The following SIGLEC15 variants were observed in gnomAD, a reference collection of about 807,000 sequenced individuals.
The protein encoded by SIGLEC15 is sialic acid-binding Ig-like lectin 15.
Under a neutral mutation model 26.2 loss-of-function variants are expected in SIGLEC15, and 31 were observed. The ratio of observed to expected loss-of-function variants is 1.18; its 90% CI spans 0.89 to 1.60. The LOEUF is 1.60. Among genes scored for constraint, SIGLEC15 ranks in the 40% most tolerant of loss-of-function variants. The pLI is 0.00. For missense variants in SIGLEC15, 501 were observed against 488.4 expected (o/e 1.03, Z -0.24); for synonymous variants, 207 against 221.9 (o/e 0.93, Z 0.60).
chr18:45,828,512 C>T (rs1259855203), intron 1 of SIGLEC15, among the ~76,000 whole-genome samples: 1 of 152,202 alleles, frequency 6.6e-6, no homozygotes, highest in African/African-American at 2.4e-5. Flanking sequence ...GACAAGGCCT[C>T]AGGTGGTCCT....
rs2048287142 is a variant in SIGLEC15, at chr18:45,837,688, T to C, written c.288T>C (p.Ala96=). ...PYAGPQVFRC[A]AARGSELCQT... ...CGGGCCCGCAGGTGTTCCGCTGCGC[T>C]GCGGCGCGGGGCAGCGAGCTCTGCC... Residue 96 remains alanine, a synonymous_variant, in exon 3 of 6, where the codon GCT becomes GCC. Coordinates refer to ENST00000389474, the MANE Select transcript of SIGLEC15 (RefSeq NM_213602.3). 1.4e-6 allele frequency: 2 copies of C among 1,478,118 alleles called. No individual in the cohort carries two copies. The highest frequency in any genetic ancestry group is 1.3e-5 in the South Asian group (1 of 76,572). The allele number at this position is 1,478,118 out of a possible 1,614,324, so 91.6% of individuals were successfully genotyped here. A position where few individuals can be genotyped will look rare whatever the true frequency, so the allele number is the denominator to read the frequency against.
intron 3 of SIGLEC15, 36 bp from the exon 4 acceptor site, chr18:45,838,682 T>C (rs1480091208): frequency 1.3e-6 from 2 of 1,517,138 alleles, no homozygotes; most frequent in East Asian, 2.4e-5. Context: ...AGGGGAGGGG[T>C]GCCCTTGTGA....
At chr18:45,838,021 C>G (rs558555969) in intron 3 of SIGLEC15, 125 bp downstream of exon 3, 15,537 of 1,235,770 alleles carry the variant, frequency 0.013, 121 homozygotes, top group Middle Eastern at 0.016. Context: ...CAGCCCTCTC[C>G]TCTACCCCAG....
intron 1 of SIGLEC15, among the ~76,000 whole-genome samples, chr18:45,826,914 G>T (rs1387085691): frequency 5.3e-5 from 8 of 152,080 alleles, no homozygotes; most frequent in African/African-American, 1.9e-4. Flanking sequence ...AACTCTGTTT[G>T]TTTGTTTGTT....
chr18:45,827,768 C>T (rs1036345478), intron 1 of SIGLEC15, among the ~76,000 whole-genome samples: 2 of 152,156 alleles, frequency 1.3e-5, no homozygotes, highest in African/African-American at 2.4e-5. Context: ...TCAAGAGAGC[C>T]GAGGCTTTGG....
At chr18:45,832,192 A>T (rs2048241389) in intron 1 of SIGLEC15, among the ~76,000 whole-genome samples, 1 of 152,220 alleles carries the variant, frequency 6.6e-6, no homozygotes, top group Admixed American at 6.5e-5. Context: ...GTTTCATTCA[A>T]TCCTCAATCC....
rs576077563 is a variant in SIGLEC15, at chr18:45,834,226, T to C, written c.53-2803T>C. Reference sequence around the variant, plus strand: ...TACTCTAACCACCCCTACCCTCTCCTGTCAGCCTGGACACCCACCCTTCTG... The same window carrying C: ...TACTCTAACCACCCCTACCCTCTCCCGTCAGCCTGGACACCCACCCTTCTG... On this transcript the variant is annotated intron_variant, in intron 1 of 5. Coordinates refer to ENST00000389474, the MANE Select transcript of SIGLEC15 (RefSeq NM_213602.3). Among the ~76,000 whole-genome samples, 5 of 152,308 alleles carry C rather than the reference T, an allele frequency of 3.3e-5. No homozygotes were observed. In the South Asian group the frequency reaches 1.0e-3, roughly 32 times the overall value.
Position 45,837,741 on chromosome 18 carries a change from T to C in SIGLEC15, c.341T>C (p.Phe114Ser). The C allele has an allele frequency of 1.3e-6, 2 of 1,511,076 alleles. No homozygotes were observed. The highest frequency in any genetic ancestry group is 1.8e-6 in the Non-Finnish European group (2 of 1,138,194). 93.6% of individuals were successfully genotyped at this position (1,511,076 alleles called of 1,614,324 possible). A position where few individuals can be genotyped will look rare whatever the true frequency, so the allele number is the denominator to read the frequency against. ...CQTALSLHGR[F>S]RLLGNPRRND... ...ACGGCGCTGAGCCTGCACGGCCGCT[T>C]CCGGCTGCTGGGCAACCCGCGCCGC... The change falls in exon 3 of 6, where the codon TTC (phenylalanine) becomes TCC (serine). Residue 114 changes from phenylalanine (F) to serine (S), a missense_variant. Phe to Ser is a radical substitution (Grantham distance 155). Transcript: ENST00000389474.
intron 1 of SIGLEC15, among the ~76,000 whole-genome samples, chr18:45,833,604 C>G (rs779376932): frequency 1.3e-5 from 2 of 152,164 alleles, no homozygotes; most frequent in Admixed American, 6.5e-5. Flanking sequence ...TGAGCCACCA[C>G]GCCCGGCCTC....
intron 4 of SIGLEC15, among the ~76,000 whole-genome samples, chr18:45,839,609 G>A (rs2048308102): frequency 6.6e-6 from 1 of 152,188 alleles, no homozygotes; most frequent in Admixed American, 6.5e-5. Flanking sequence ...CCAGAGGAAG[G>A]TATGCCTCCC....
chr18:45,825,797 C>G lies in SIGLEC15; in HGVS notation c.52+17C>G, dbSNP rs201025712. ...TCCCGACAGGTGAGTGTCTGCTACT[C>G]TCTCTGGCCCATGCTCGGGACAGAA... On this transcript the variant is annotated intron_variant, in intron 1 of 5. Transcript: ENST00000389474. The G allele has an allele frequency of 1.2e-6, 2 of 1,614,014 alleles. No homozygotes were observed. Among genetic ancestry groups the G allele is most frequent in the African/African-American group, 1.3e-5 (1 of 74,950 alleles).
chr18:45,834,156 G>A (rs1398535188), intron 1 of SIGLEC15, among the ~76,000 whole-genome samples: 2 of 152,014 alleles, frequency 1.3e-5, no homozygotes, highest in African/African-American at 2.4e-5. Flanking sequence ...AAGTGACATC[G>A]CCTCTCTCAA....
In SIGLEC15 at chr18:45,837,585, T is replaced by G. The variant is rs528604727; in HGVS notation, c.185T>G (p.Leu62Arg). The G allele has an allele frequency of 2.6e-5, 40 of 1,512,468 alleles. No individual in the cohort carries two copies. In the African/African-American group the frequency reaches 3.4e-4, roughly 13 times the overall value. 93.7% of individuals were successfully genotyped at this position (1,512,468 alleles called of 1,614,324 possible). ...GCGGAGGCAGGCGACGCGGCAGTGC[T>G]GCCCTGCACCTTCACGCACCCGCAC... Reference protein sequence around the residue: ...VSAEAGDAAVLPCTFTHPHRH... With the variant: ...VSAEAGDAAVRPCTFTHPHRH... The change falls in exon 3 of 6, where the codon CTG becomes CGG. Residue 62 changes from leucine (L) to arginine (R), a missense_variant. By Grantham distance (102) the Leu-to-Arg change is moderately radical. Coordinates refer to ENST00000389474, the MANE Select transcript of SIGLEC15 (RefSeq NM_213602.3).
chr18:45,841,201 C>G (rs116817940), intron 5 of SIGLEC15: 1 of 152,586 alleles, frequency 6.6e-6, no homozygotes, highest in Non-Finnish European at 1.5e-5. Flanking sequence ...AGATCAAGTT[C>G]TCTTGGAGGA....
intron 1 of SIGLEC15, among the ~76,000 whole-genome samples, chr18:45,829,904 C>T (rs2048218263): frequency 6.6e-6 from 1 of 152,166 alleles, no homozygotes; most frequent in South Asian, 2.1e-4. Flanking sequence ...CCCAGCAGAC[C>T]TAATTTTTGT....
At chr18:45,841,964 C>T in intron 5 of SIGLEC15, 142 bp from the exon 6 acceptor site, 2 of 763,348 alleles carry the variant, frequency 2.6e-6, no homozygotes, top group South Asian at 1.6e-5. Flanking sequence ...CCTCCGATGC[C>T]ATTCATCTCT....
intron 1 of SIGLEC15, among the ~76,000 whole-genome samples, chr18:45,831,816 C>A (rs981939878): frequency 4.6e-5 from 7 of 151,544 alleles, no homozygotes; most frequent in African/African-American, 1.7e-4. Context: ...CGGCTCACTG[C>A]AGCCTCCGCC....
At chr18:45,829,875 C>T (rs1306853976) in intron 1 of SIGLEC15, among the ~76,000 whole-genome samples, 1 of 152,108 alleles carries the variant, frequency 6.6e-6, no homozygotes, top group Non-Finnish European at 1.5e-5. Flanking sequence ...CCTCAAAATC[C>T]GTGTCACATA....
At chr18:45,832,606 G>A (rs1388115392) in intron 1 of SIGLEC15, among the ~76,000 whole-genome samples, 1 of 152,198 alleles carries the variant, frequency 6.6e-6, no homozygotes, top group Non-Finnish European at 1.5e-5. Flanking sequence ...GCCCACCATT[G>A]AGGGAGGGTA....
Sources: gnomAD v4.1 joint callset for allele counts (sites outside exome capture counted in the v4.1 genomes callset) on GRCh38, gnomAD v4.1.1 for gene constraint, MANE v1.5 for transcripts, NCBI Gene and HGNC (gene_info 2026-07-23, HGNC 2026-07-21) for gene names.